DYM: variants seen among roughly 807,000 people sequenced by gnomAD.
The protein encoded by DYM is dymeclin, also known as dyggve-Melchior-Clausen syndrome protein.
A neutral mutation model predicts 93.1 loss-of-function variants in DYM; 78 were observed. The ratio of observed to expected loss-of-function variants is 0.84; its 90% CI spans 0.70 to 1.01. The LOEUF (loss-of-function observed/expected upper bound fraction) is 1.01, where lower values mean the gene tolerates loss of function less well. Among genes scored for constraint, DYM ranks in the 50% least tolerant of loss-of-function variants. The pLI is 0.00. For synonymous variants in DYM, 321 were observed against 319.7 expected, an observed-to-expected ratio of 1.00 and a Z score of -0.04; for missense variants, 789 against 845.0, an observed-to-expected ratio of 0.93 and a Z score of 0.82.
intron 11 of DYM, among the ~76,000 whole-genome samples, chr18:49,263,324 C>T (rs1374589479): frequency 2.0e-5 from 3 of 151,514 alleles, no homozygotes; most frequent in African/African-American, 4.8e-5. Context: ...TCCCCATGTT[C>T]GCCAGGCTAG....
intron 14 of DYM, among the ~76,000 whole-genome samples, chr18:49,188,975 A>G (rs192653660): frequency 6.6e-6 from 1 of 152,352 alleles, no homozygotes; most frequent in African/African-American, 2.4e-5. Flanking sequence ...TGGTACACAT[A>G]CACCATGAAA....
intron 13 of DYM, among the ~76,000 whole-genome samples, chr18:49,251,887 G>T (rs117331825): frequency 3.3e-5 from 5 of 152,120 alleles, no homozygotes; most frequent in Middle Eastern, 3.4e-3. Context: ...TTTAGATTTG[G>T]GTGGTGTTAT....
intron 1 of DYM, among the ~76,000 whole-genome samples, chr18:49,459,444 C>A (rs2083284926): frequency 6.6e-6 from 1 of 152,140 alleles, no homozygotes; most frequent in East Asian, 1.9e-4. Context: ...CCTATAGATT[C>A]TCTTCCCTTC....
intron 17 of DYM, among the ~76,000 whole-genome samples, chr18:49,067,651 A>G (rs1318122509): frequency 2.0e-5 from 3 of 152,276 alleles, no homozygotes; most frequent in African/African-American, 2.4e-5. Flanking sequence ...TTATCCTGAA[A>G]CAATTGTCCA....
chr18:49,228,140 T>C (rs544784185), intron 13 of DYM, among the ~76,000 whole-genome samples: 2 of 152,160 alleles, frequency 1.3e-5, no homozygotes, highest in African/African-American at 4.8e-5. Flanking sequence ...ATACCCACTA[T>C]AGTGCTTGGC....
rs2068745246 is a variant in DYM, at chr18:49,387,456, T to G, written c.193+4137A>C. On this transcript the variant is annotated intron_variant, in intron 3 of 17. Coordinates refer to ENST00000675505, the MANE Select transcript of DYM (RefSeq NM_001353214.3). ...CATGCCCAGTTAATTTTTGTATTTT[T>G]GTAGAGATAGGGTTTCACTGTGTTG... Among the ~76,000 whole-genome samples the G allele has an allele frequency of 2.0e-5, 3 of 151,894 alleles. No individual in the cohort carries two copies. In the South Asian group the frequency reaches 6.2e-4, roughly 32 times the overall value.
At chr18:49,425,861 A>G (rs1037174005) in intron 2 of DYM, among the ~76,000 whole-genome samples, 2 of 152,128 alleles carry the variant, frequency 1.3e-5, no homozygotes, top group Admixed American at 1.3e-4. Flanking sequence ...ATCTCACACC[A>G]GTTAGAATGG....
intron 16 of DYM, among the ~76,000 whole-genome samples, chr18:49,106,619 A>C (rs933852161): frequency 1.3e-5 from 2 of 152,288 alleles, no homozygotes; most frequent in South Asian, 4.1e-4. Context: ...AAAATCTCTC[A>C]GCATTTGCTT....
At chr18:49,146,307 C>G (rs2085131263) in intron 15 of DYM, among the ~76,000 whole-genome samples, 1 of 152,212 alleles carries the variant, frequency 6.6e-6, no homozygotes, top group Non-Finnish European at 1.5e-5. Flanking sequence ...CCTTCTCTCA[C>G]CACTCCTATT....
At chr18:49,453,589 C>A (rs143583860) in intron 1 of DYM, among the ~76,000 whole-genome samples, 1 of 152,092 alleles carries the variant, frequency 6.6e-6, no homozygotes, top group South Asian at 2.1e-4. Flanking sequence ...CGTGAGGGTC[C>A]GTGGCTTCAT....
intron 17 of DYM, among the ~76,000 whole-genome samples, chr18:49,087,264 C>T (rs1210277469): frequency 5.9e-5 from 9 of 152,074 alleles, no homozygotes; most frequent in Admixed American, 5.2e-4. Flanking sequence ...ATTTATTTTG[C>T]TACCAAAAAA....
chr18:49,190,374 GAGGTTT>G lies in DYM; in HGVS notation c.1625+19171_1625+19176del, dbSNP rs542734141. On this transcript the variant is annotated intron_variant, in intron 14 of 17. Coordinates refer to ENST00000675505, the MANE Select transcript of DYM (RefSeq NM_001353214.3). ...ATTGCTATCTTTAAAAGTGATTTTG[GAGGTTT>G]AGGACTGAAGGATATCACATGAAAC... Among the ~76,000 whole-genome samples the G allele has an allele frequency of 5.4e-4, 82 of 152,196 alleles. 1 individual carries two copies. The highest frequency in any genetic ancestry group is 3.8e-3 in the Admixed American group (58 of 15,292).
chr18:49,232,010 T>C (rs8098262), intron 13 of DYM, among the ~76,000 whole-genome samples: 1 of 152,348 alleles, frequency 6.6e-6, no homozygotes, highest in Non-Finnish European at 1.5e-5. Flanking sequence ...TATAATAATA[T>C]TCAGTTATAT....
chr18:49,206,814 A>G (rs1387692743), intron 14 of DYM, among the ~76,000 whole-genome samples: 1 of 152,220 alleles, frequency 6.6e-6, no homozygotes, highest in Non-Finnish European at 1.5e-5. Context: ...TACCCCCTGG[A>G]GGCTTCATAC....
chr18:49,382,873 G>A (rs558006278), intron 3 of DYM, among the ~76,000 whole-genome samples: 2 of 152,104 alleles, frequency 1.3e-5, no homozygotes, highest in African/African-American at 4.8e-5. Flanking sequence ...TTCAGATAAG[G>A]GTATTGTAGA....
At chr18:49,045,997 A>G (rs1309738710) in intron 17 of DYM, among the ~76,000 whole-genome samples, 1 of 152,064 alleles carries the variant, frequency 6.6e-6, no homozygotes, top group Non-Finnish European at 1.5e-5. Flanking sequence ...GGAAGGGGGA[A>G]ACAGGCCTGA....
intron 11 of DYM, among the ~76,000 whole-genome samples, chr18:49,262,757 C>T (rs147723692): frequency 5.5e-4 from 83 of 152,274 alleles, no homozygotes; most frequent in African/African-American, 1.9e-3. Context: ...ATACATACTA[C>T]TTAAGTCATT....
intron 16 of DYM, among the ~76,000 whole-genome samples, chr18:49,101,631 T>G (rs1363691343): frequency 3.3e-5 from 5 of 152,186 alleles, no homozygotes; most frequent in Admixed American, 2.6e-4. Context: ...GAGGTAGAAG[T>G]AGACAGCTAA....
At chr18:49,453,496 C>G (rs2082709686) in intron 1 of DYM, among the ~76,000 whole-genome samples, 1 of 152,170 alleles carries the variant, frequency 6.6e-6, no homozygotes, top group South Asian at 2.1e-4. Flanking sequence ...ACGAACCCAC[C>G]AGAAGGAAGA....
Sources: allele counts gnomAD v4.1 joint callset (sites outside exome capture counted in the v4.1 genomes callset), GRCh38; gene constraint gnomAD v4.1.1; transcripts MANE v1.5; gene names NCBI Gene and HGNC (gene_info 2026-07-23, HGNC 2026-07-21).